Variants in AOPEP observed in about 807,000 individuals in gnomAD.
AOPEP encodes aminopeptidase O.
In AOPEP, 77 loss-of-function variants were observed where a neutral mutation model predicts 98.1. That is an observed-to-expected ratio of 0.78 (90% CI 0.65 to 0.95). AOPEP has a LOEUF of 0.95. AOPEP is among the 40% of genes least tolerant of loss of function. AOPEP has a pLI of 0.00. For synonymous variants in AOPEP, 346 were observed against 365.3 expected, an observed-to-expected ratio of 0.95 and a Z score of 0.60; for missense variants, 1,024 against 1,024.7, an observed-to-expected ratio of 1.00 and a Z score of 0.01.
chr9:95,074,848 T>C (rs953159002), intron 14 of AOPEP, among the ~76,000 whole-genome samples: 4 of 152,198 alleles, frequency 2.6e-5, no homozygotes, highest in Non-Finnish European at 5.9e-5. Context: ...GCCACCTGCT[T>C]GTCTGCTGCC....
chr9:94,793,886 T>C (rs10993348), intron 4 of AOPEP, among the ~76,000 whole-genome samples: 21,479 of 152,214 alleles, frequency 0.14, 1,674 homozygotes, highest in Admixed American at 0.19. Flanking sequence ...TTTTCAGTGC[T>C]TATGTGGTCA....
chr9:94,939,630 A>G (rs944410085), intron 7 of AOPEP, among the ~76,000 whole-genome samples: 1 of 152,250 alleles, frequency 6.6e-6, no homozygotes. Flanking sequence ...CCACTAATGG[A>G]AAATTTCATA....
chr9:94,865,886 C>A (rs1416479837), intron 5 of AOPEP, among the ~76,000 whole-genome samples: 1 of 152,154 alleles, frequency 6.6e-6, no homozygotes, highest in South Asian at 2.1e-4. Context: ...TTGATAATAA[C>A]CACCTTGATA....
At chr9:94,750,989 C>T (rs768219461) in intron 1 of AOPEP, among the ~76,000 whole-genome samples, 5 of 151,932 alleles carry the variant, frequency 3.3e-5, no homozygotes, top group East Asian at 1.9e-4. Flanking sequence ...CCTCGTGATC[C>T]GCCCACCTTG....
intron 5 of AOPEP, among the ~76,000 whole-genome samples, chr9:94,835,336 C>G (rs900826387): frequency 4.6e-5 from 7 of 152,114 alleles, no homozygotes; most frequent in Admixed American, 2.0e-4. Context: ...TTTGCTTTGG[C>G]TCATCTGTTG....
the AOPEP span, among the ~76,000 whole-genome samples, chr9:95,103,127 GA>G: frequency 1.3e-5 from 2 of 152,004 alleles, no homozygotes; most frequent in Admixed American, 1.3e-4. Flanking sequence ...ATACCACCCA[GA>G]CCCTGAGCGG....
chr9:94,747,913 A>G (rs186032228), intron 1 of AOPEP, among the ~76,000 whole-genome samples: 4 of 152,336 alleles, frequency 2.6e-5, no homozygotes, highest in East Asian at 1.9e-4. Flanking sequence ...AGGGATGGTT[A>G]GTGTTTTAGA....
intron 5 of AOPEP, among the ~76,000 whole-genome samples, chr9:94,840,802 C>T (rs1425386513): frequency 2.0e-5 from 3 of 151,954 alleles, no homozygotes; most frequent in Non-Finnish European, 2.9e-5. Context: ...TTGTATTCCC[C>T]ATTTTTTTAA....
At chr9:94,883,193 A>C (rs971767785) in intron 5 of AOPEP, among the ~76,000 whole-genome samples, 1 of 152,216 alleles carries the variant, frequency 6.6e-6, no homozygotes, top group African/African-American at 2.4e-5. Context: ...TGCTGTTCCA[A>C]GGAGTCACTG....
intron 1 of AOPEP, among the ~76,000 whole-genome samples, chr9:94,735,696 A>G (rs913722291): frequency 2.0e-5 from 3 of 152,136 alleles, no homozygotes; most frequent in African/African-American, 7.2e-5. Flanking sequence ...CACAAAATTC[A>G]CTCTTTAAAA....
At chr9:95,000,969 G>C (rs1455860288) in intron 11 of AOPEP, among the ~76,000 whole-genome samples, 1 of 152,116 alleles carries the variant, frequency 6.6e-6, no homozygotes, top group African/African-American at 2.4e-5. Flanking sequence ...CCTCCGCTGT[G>C]CCTGAGGGAA....
At chr9:95,045,590 G>A (rs1422074834) in intron 13 of AOPEP, among the ~76,000 whole-genome samples, 2 of 152,196 alleles carry the variant, frequency 1.3e-5, no homozygotes, top group Non-Finnish European at 2.9e-5. Context: ...CGGGACCCTT[G>A]CACCCACCCT....
the AOPEP span, among the ~76,000 whole-genome samples, chr9:95,137,591 T>C: frequency 2.0e-5 from 3 of 152,254 alleles, no homozygotes; most frequent in South Asian, 6.2e-4. Context: ...TTCTGGAGGA[T>C]TTACTAAGAG....
chr9:94,804,303 C>G (rs1261729094), intron 5 of AOPEP, among the ~76,000 whole-genome samples: 1 of 152,174 alleles, frequency 6.6e-6, no homozygotes, highest in Non-Finnish European at 1.5e-5. Context: ...CTCAGCAGTT[C>G]ACAATTACAT....
chr9:95,110,855 A>G, the AOPEP span: 1 of 1,183,564 alleles, frequency 8.4e-7, no homozygotes, highest in Non-Finnish European at 1.1e-6. Flanking sequence ...ACATAAAATA[A>G]CAACTGTCTT....
At chr9:94,940,640 A>G (rs1448830907) in intron 7 of AOPEP, among the ~76,000 whole-genome samples, 4 of 152,150 alleles carry the variant, frequency 2.6e-5, no homozygotes, top group African/African-American at 7.2e-5. Flanking sequence ...TAGAATGAAT[A>G]TTGGCAATTT....
chr9:94,742,074 C>T (rs1249958225), intron 1 of AOPEP, among the ~76,000 whole-genome samples: 1 of 152,144 alleles, frequency 6.6e-6, no homozygotes, highest in Admixed American at 6.5e-5. Context: ...CACTGACGAC[C>T]ACACAGGGAG....
chr9:95,074,603 T>C (rs1224936521), intron 14 of AOPEP, among the ~76,000 whole-genome samples: 4 of 152,198 alleles, frequency 2.6e-5, no homozygotes. Flanking sequence ...GCAGAACACT[T>C]TGAACAGCAG....
chr9:94,901,500 G>C, intron 5 of AOPEP, among the ~76,000 whole-genome samples: 1 of 151,774 alleles, frequency 6.6e-6, no homozygotes, highest in African/African-American at 2.4e-5. Flanking sequence ...CTGATTGTCG[G>C]ATTAACCCTT....
Sources: allele counts gnomAD v4.1 joint callset (sites outside exome capture counted in the v4.1 genomes callset), GRCh38; gene constraint gnomAD v4.1.1; transcripts MANE v1.5; gene names NCBI Gene and HGNC (gene_info 2026-07-23, HGNC 2026-07-21).